Variants in UBA3 observed in about 807,000 individuals in gnomAD.
UBA3 encodes the protein ubiquitin like modifier activating enzyme 3, also known as NEDD8-activating enzyme E1 catalytic subunit.
A neutral mutation model predicts 73.5 loss-of-function variants in UBA3; 26 were observed. The ratio of observed to expected loss-of-function variants is 0.35; its 90% CI spans 0.26 to 0.49. UBA3 has a LOEUF of 0.49. UBA3 is among the 20% of genes least tolerant of loss of function. The pLI, the probability that UBA3 is intolerant of heterozygous loss-of-function variation, is 0.98. For missense variants in UBA3, 495 were observed against 555.6 expected (o/e 0.89, Z 1.10); for synonymous variants, 217 against 191.2 (o/e 1.13, Z -1.11).
At chr3:69,079,833 G>A (rs2092202413) in intron 2 of UBA3, 2 of 461,114 alleles carry the variant, frequency 4.3e-6, no homozygotes, top group Non-Finnish European at 7.6e-6. Context: ...GAGTGCACAA[G>A]GGTCCTTCCT....
At position 69,057,281 on chromosome 3, in the gene UBA3, T is replaced by G. The variant is rs750292115; in HGVS notation, c.939A>C (p.Val313=). 2.0e-5 allele frequency: 32 copies of G among 1,611,790 alleles called. No individual in the cohort carries two copies. Among genetic ancestry groups the G allele is most frequent in the Non-Finnish European group, 2.6e-5 (31 of 1,179,456 alleles). ...QGVVKRIIPA[V]ASTNAVIAAV... Reference sequence around the variant, plus strand: ...CTGCAATGACTGCATTTGTGGAAGCTACTGCAGGAATGATTCTTTTTACTA... The same window carrying G: ...CTGCAATGACTGCATTTGTGGAAGCGACTGCAGGAATGATTCTTTTTACTA... Residue 313 remains valine (V), a synonymous_variant, in exon 12 of 18, where the codon GTA becomes GTC. Transcript: ENST00000361055.
chr3:69,074,789 A>ATTT (rs1242554489), intron 4 of UBA3, among the ~76,000 whole-genome samples: 1 of 152,212 alleles, frequency 6.6e-6, no homozygotes, highest in East Asian at 1.9e-4. Context: ...TTATATACTT[A>ATTT]ATTTATTTCT....
intron 2 of UBA3, among the ~76,000 whole-genome samples, chr3:69,078,282 G>T (rs1179050136): frequency 6.6e-6 from 1 of 152,088 alleles, no homozygotes; most frequent in Non-Finnish European, 1.5e-5. Flanking sequence ...TCCTCAATCT[G>T]TTGTTTCATC....
chr3:69,080,223 G>C, intron 1 of UBA3, 70 bp from the exon 2 acceptor site: 1 of 1,495,478 alleles, frequency 6.7e-7, no homozygotes, highest in Non-Finnish European at 9.1e-7. Flanking sequence ...AGGGGGGCGA[G>C]GGGACGGGGC....
intron 11 of UBA3, among the ~76,000 whole-genome samples, chr3:69,060,434 A>G (rs992632386): frequency 1.3e-5 from 2 of 152,232 alleles, no homozygotes; most frequent in African/African-American, 4.8e-5. Flanking sequence ...AAACAAAAAA[A>G]CAACAACATA....
At chr3:69,062,360 C>A (rs9831597) in intron 9 of UBA3, among the ~76,000 whole-genome samples, 181 bp from the exon 10 acceptor site, 133,137 of 151,996 alleles carry the variant, frequency 0.88, 58,609 homozygotes, top group East Asian at 1. Flanking sequence ...ACTTAGGCTG[C>A]ACTGCCTGTA....
chr3:69,067,981 A>G lies in UBA3; in HGVS notation c.375T>C (p.Ala125=). Residue 125 remains alanine (A), a synonymous_variant, in exon 6 of 18, where the codon GCT becomes GCC. Coordinates refer to ENST00000361055, the MANE Select transcript of UBA3 (RefSeq NM_003968.4). The stretch of plus-strand genomic sequence containing the variant: ...CATTTAGAAATTCTGCAGCAACTTC[A>G]GCCTTAGGTCTTCCAATATCTTTAG... ...FRPKDIGRPK[A]EVAAEFLNDR... is the part of the protein sequence containing the mutation. 1 of 1,606,184 alleles carries G rather than the reference A, an allele frequency of 6.2e-7. No homozygotes were observed. Among genetic ancestry groups the G allele is most frequent in the Non-Finnish European group, 8.5e-7 (1 of 1,175,740 alleles).
intron 11 of UBA3, among the ~76,000 whole-genome samples, chr3:69,060,826 T>G (rs975844649): frequency 6.6e-6 from 1 of 152,164 alleles, no homozygotes; most frequent in Non-Finnish European, 1.5e-5. Context: ...AAAAGAAGCC[T>G]GGTATTCCCT....
In UBA3 at chr3:69,062,974, T is replaced by C. The variant is rs200673999; in HGVS notation, c.693+8A>G. On this transcript the variant is annotated splice_region_variant and intron_variant, in intron 9 of 17. Coordinates refer to ENST00000361055, the MANE Select transcript of UBA3 (RefSeq NM_003968.4). ...CTATAAAAGAAATGCAGGTGCTTTT[T>C]TGATTACCTGTGGTGGATAAAGTTC... 7.4e-6 allele frequency: 12 copies of C among 1,612,920 alleles called. No homozygotes were observed. The highest frequency in any genetic ancestry group is 1.3e-5 in the African/African-American group (1 of 74,904).
chr3:69,066,421 T>C (rs1444896416), intron 6 of UBA3, among the ~76,000 whole-genome samples: 1 of 150,702 alleles, frequency 6.6e-6, no homozygotes, highest in South Asian at 2.1e-4. Context: ...ACCCTAAAGT[T>C]CTATCGTTTT....
intron 5 of UBA3, among the ~76,000 whole-genome samples, chr3:69,069,652 C>T (rs1448317416): frequency 6.6e-6 from 1 of 152,108 alleles, no homozygotes; most frequent in African/African-American, 2.4e-5. Context: ...CAATAAAGCA[C>T]TGTTCTTTTT....
intron 11 of UBA3, among the ~76,000 whole-genome samples, chr3:69,059,782 T>C (rs972100598): frequency 6.6e-6 from 1 of 152,062 alleles, no homozygotes; most frequent in Non-Finnish European, 1.5e-5. Context: ...CTCATTCTGG[T>C]GAACCTGGTA....
chr3:69,070,869 C>A (rs533328252), intron 5 of UBA3, among the ~76,000 whole-genome samples: 1 of 152,240 alleles, frequency 6.6e-6, no homozygotes, highest in African/African-American at 2.4e-5. Flanking sequence ...TGGTCTGGAT[C>A]TCCTGGGCTC....
In UBA3 at chr3:69,063,045, G is replaced by A. The variant is rs2092036026; in HGVS notation, c.630C>T (p.Ala210=). Residue 210 remains alanine (A), a synonymous_variant, in exon 9 of 18, where the codon GCC becomes GCT. Transcript: ENST00000361055. The stretch of plus-strand genomic sequence containing the variant: ...CAGTCATTCCAGGCAGAATCACCCG[G>A]GCATTTCCTTTAAAACCTTCTGTCC... ...DGGTEGFKGN[A]RVILPGMTAC... 2 of 1,613,922 alleles carry A rather than the reference G, an allele frequency of 1.2e-6. No homozygotes were observed. Among genetic ancestry groups the A allele is most frequent in the Admixed American group, 3.3e-5 (2 of 59,992 alleles).
intron 3 of UBA3, among the ~76,000 whole-genome samples, chr3:69,076,853 A>G (rs532927604): frequency 6.6e-6 from 1 of 151,660 alleles, no homozygotes; most frequent in Admixed American, 6.6e-5. Context: ...TTGACCTCCC[A>G]AAGTGCTGGG....
At position 69,056,208 on chromosome 3, in the gene UBA3, C is replaced by A; in HGVS notation, c.1159G>T (p.Asp387Tyr). 1 of 1,597,306 alleles carries A rather than the reference C, an allele frequency of 6.3e-7. No individual in the cohort carries two copies. The highest frequency in any genetic ancestry group is 1.2e-5 in the South Asian group (1 of 86,572). The change falls in exon 15 of 18, where the codon GAT becomes TAT. Residue 387 changes from aspartate to tyrosine, a missense_variant. Asp to Tyr is a radical substitution (Grantham distance 160, BLOSUM62 -3). Transcript: ENST00000361055. ...SPSAKLQEVL[D>Y]YLTNSASLQM... ...AGAGAAGCACTATTGGTTAGATAAT[C>A]CAAAACCTCCTGTAGTTTAGCTGAT...
At chr3:69,063,245 G>A in intron 8 of UBA3, 108 bp from the exon 9 acceptor site, 1 of 1,400,828 alleles carries the variant, frequency 7.1e-7, no homozygotes, top group Non-Finnish European at 9.8e-7. Context: ...GAATACCAAT[G>A]TATCAAATCA....
At chr3:69,080,306 G>C (rs755028368) in intron 1 of UBA3, 28 bp downstream of exon 1, 9 of 1,603,628 alleles carry the variant, frequency 5.6e-6, no homozygotes, top group South Asian at 1.1e-5. Flanking sequence ...AGCCCAGCCC[G>C]GCGCGTCTGC....
intron 14 of UBA3, 80 bp downstream of exon 14, chr3:69,056,532 G>T: frequency 1.6e-6 from 2 of 1,246,150 alleles, no homozygotes; most frequent in Non-Finnish European, 2.3e-6. Context: ...ATGTATGGGT[G>T]ACTTTGTTCA....
Sources: allele counts gnomAD v4.1 joint callset (sites outside exome capture counted in the v4.1 genomes callset), GRCh38; gene constraint gnomAD v4.1.1; transcripts MANE v1.5; gene names NCBI Gene and HGNC (gene_info 2026-07-23, HGNC 2026-07-21).